MACF1: variants seen among roughly 807,000 people sequenced by gnomAD.
MACF1 encodes the protein microtubule actin crosslinking factor 1.
A neutral mutation model predicts 854.8 loss-of-function variants in MACF1; 193 were observed. The ratio of observed to expected loss-of-function variants is 0.23; its 90% confidence interval spans 0.20 to 0.25. The LOEUF (loss-of-function observed/expected upper bound fraction) is 0.25. Ranked by LOEUF, MACF1 falls within the 10% of genes least tolerant of loss-of-function variation. The probability of loss-of-function intolerance (pLI) is 1.00; values close to 1 mark genes in which losing one functional copy is unlikely to be tolerated. For synonymous variants in MACF1, 3,185 were observed against 3,226.7 expected, an observed-to-expected ratio of 0.99 and a Z score of 0.44; for missense variants, 7,722 against 8,929.1, an observed-to-expected ratio of 0.86 and a Z score of 5.45.
intron 58 of MACF1, chr1:39,411,768 A>G: frequency 6.2e-7 from 1 of 1,613,966 alleles, no homozygotes; most frequent in Non-Finnish European, 8.5e-7. Context: ...CCCAGGATGC[A>G]GAAAATTTAC....
intron 1 of MACF1, among the ~76,000 whole-genome samples, chr1:39,217,748 G>T (rs999671594): frequency 3.3e-5 from 5 of 151,906 alleles, no homozygotes; most frequent in Admixed American, 2.6e-4. Context: ...GTGGTGGCGT[G>T]CGCCTATAGT....
chr1:39,251,653 T>A (rs989536222), intron 3 of MACF1, among the ~76,000 whole-genome samples, 193 bp from the exon 4 acceptor site: 6 of 152,246 alleles, frequency 3.9e-5, no homozygotes, highest in Admixed American at 6.5e-5. Context: ...TGAAGATGTG[T>A]TTCATCATAA....
At chr1:39,319,769 A>G (rs1457618137) in intron 31 of MACF1, 22 bp downstream of exon 31, 11 of 1,537,544 alleles carry the variant, frequency 7.2e-6, no homozygotes, top group Non-Finnish European at 9.9e-6. Flanking sequence ...ACATCCCAAA[A>G]AGAACATGAA....
chr1:39,427,745 T>C (rs1643771341), intron 62 of MACF1, 131 bp downstream of exon 62: 2 of 1,034,814 alleles, frequency 1.9e-6, no homozygotes, highest in African/African-American at 1.6e-5. Context: ...AGATTATTAA[T>C]TGGAAAAGTC....
chr1:39,306,252 C>T (rs942489891), intron 23 of MACF1, among the ~76,000 whole-genome samples: 6 of 151,428 alleles, frequency 4.0e-5, no homozygotes, highest in Non-Finnish European at 7.4e-5. Context: ...CTTTGCCTCC[C>T]GAGTAAGTGG....
intron 15 of MACF1, among the ~76,000 whole-genome samples, chr1:39,288,074 C>A (rs1645681900): frequency 1.3e-5 from 2 of 152,160 alleles, no homozygotes; most frequent in South Asian, 4.2e-4. Flanking sequence ...TTATACGATA[C>A]ATGAGATATT....
At chr1:39,374,798 C>G (rs545054863) in intron 52 of MACF1, among the ~76,000 whole-genome samples, 68 of 152,160 alleles carry the variant, frequency 4.5e-4, no homozygotes, top group Admixed American at 1.2e-3. Context: ...CATATAGAAC[C>G]CTACTACGTA....
At chr1:39,343,371 C>G (rs934691937) in intron 40 of MACF1, among the ~76,000 whole-genome samples, 2 of 152,226 alleles carry the variant, frequency 1.3e-5, no homozygotes, top group African/African-American at 4.8e-5. Context: ...TCTCATCCCT[C>G]TTTATCACGC....
chr1:39,276,374 G>C (rs975035117), intron 6 of MACF1, among the ~76,000 whole-genome samples: 2 of 152,086 alleles, frequency 1.3e-5, no homozygotes, highest in African/African-American at 4.8e-5. Flanking sequence ...AAACTCCTCA[G>C]CTGGGATAAG....
chr1:39,165,908 T>C lies in MACF1; in HGVS notation c.221-65274T>C, dbSNP rs553172906. 2.0e-5 allele frequency among the ~76,000 whole-genome samples: 3 copies of C among 152,356 alleles called. No individual in the cohort carries two copies. The South Asian group carries it at 6.2e-4, about 32-fold the overall frequency. On this transcript the variant is annotated intron_variant, in intron 2 of 93. Transcript: ENST00000361689. ...TTATCAACTTAATTGCCTCACTCCC[T>C]GATCATGTTCCATGTTTCCTGTTGC...
intron 2 of MACF1, chr1:39,154,065 G>A (rs755702875): frequency 1.3e-5 from 2 of 152,156 alleles, no homozygotes; most frequent in Admixed American, 1.3e-4. Flanking sequence ...GAAAATCAGT[G>A]TATTTATATG....
chr1:39,381,378 TG>T lies in MACF1; in HGVS notation c.13649-565del, dbSNP rs1263653376. Among the ~76,000 whole-genome samples the T allele has an allele frequency of 5.4e-4, 55 of 102,038 alleles. 1 individual carries two copies. The highest frequency in any genetic ancestry group is 1.2e-3 in the East Asian group (3 of 2,498). 66.9% of individuals were successfully genotyped at this position (102,038 alleles called of 152,430 possible). A position where few individuals can be genotyped will look rare whatever the true frequency, so the allele number is the denominator to read the frequency against. Reference sequence around the variant, plus strand: ...GGCCTTTTTTTTTTTTTTTTTTTTTTGGGGGGGGGGACAGGGTCTTGCTCTG... The same window carrying T: ...GGCCTTTTTTTTTTTTTTTTTTTTTTGGGGGGGGGACAGGGTCTTGCTCTG... On this transcript the variant is annotated intron_variant, in intron 55 of 100. Coordinates refer to ENST00000564288, the MANE Select transcript of MACF1 (RefSeq NM_001394062.1).
intron 38 of MACF1, among the ~76,000 whole-genome samples, chr1:39,339,733 A>C (rs1257889407): frequency 1.3e-5 from 2 of 152,198 alleles, no homozygotes; most frequent in Admixed American, 1.3e-4. Context: ...GGAAGTGATA[A>C]CTGATAGAAC....
intron 58 of MACF1, among the ~76,000 whole-genome samples, chr1:39,395,718 C>G (rs1311173738): frequency 6.6e-6 from 1 of 152,172 alleles, no homozygotes; most frequent in East Asian, 1.9e-4. Flanking sequence ...CCCACCTCCC[C>G]ACCCCACAAA....
rs572533229 is a variant in MACF1 at position 39,230,322 on chromosome 1, G to A, written c.110-860G>A. Among the ~76,000 whole-genome samples, 30 of 152,210 alleles carry A rather than the reference G, an allele frequency of 2.0e-4. No individual in the cohort carries two copies. The South Asian group carries it at 5.6e-3, about 28-fold the overall frequency. ...GAGATGATAAATGAACCAAGTCATCGGGGAAGGCTAAGGTAGATTTGCCAT... is the reference window on the plus strand; with the variant it reads ...GAGATGATAAATGAACCAAGTCATCAGGGAAGGCTAAGGTAGATTTGCCAT... On this transcript the variant is annotated intron_variant, in intron 1 of 100. Coordinates refer to ENST00000564288, the MANE Select transcript of MACF1 (RefSeq NM_001394062.1).
At chr1:39,186,170 A>ATCTCTCTCTCTCTCTCTCTCTC (rs55658204) in intron 2 of MACF1, among the ~76,000 whole-genome samples, 16 of 109,980 alleles carry the variant, frequency 1.5e-4, no homozygotes, top group East Asian at 5.8e-4. Context: ...GATTCTGAAC[A>ATCTCTCTCTCTCTCTCTCTCTC]TCTCTCTCTC....
intron 2 of MACF1, among the ~76,000 whole-genome samples, chr1:39,089,658 C>G (rs1349721588): frequency 1.3e-5 from 2 of 152,144 alleles, no homozygotes; most frequent in Admixed American, 6.5e-5. Flanking sequence ...GTCTCTCCTC[C>G]AAGTTGGGAG....
At chr1:39,145,682 G>T (rs1643447915) in intron 2 of MACF1, among the ~76,000 whole-genome samples, 1 of 152,114 alleles carries the variant, frequency 6.6e-6, no homozygotes. Flanking sequence ...TTCTCACGCT[G>T]TTTCATCTTG....
chr1:39,173,137 C>T (rs1333285816), intron 2 of MACF1, among the ~76,000 whole-genome samples: 3 of 151,932 alleles, frequency 2.0e-5, no homozygotes, highest in Admixed American at 1.3e-4. Flanking sequence ...GTCAGGAGAT[C>T]GAGAGCATCC....
Sources: allele counts gnomAD v4.1 joint callset (sites outside exome capture counted in the v4.1 genomes callset), GRCh38; gene constraint gnomAD v4.1.1; transcripts MANE v1.5; gene names NCBI Gene and HGNC (gene_info 2026-07-23, HGNC 2026-07-21).